The following RSPO2 variants were observed in gnomAD, a reference collection of about 807,000 sequenced individuals.
RSPO2 encodes the protein R-spondin-2.
In RSPO2, 14 loss-of-function variants were observed where a neutral mutation model predicts 30.9. That is an observed-to-expected ratio of 0.45 (90% confidence interval 0.30 to 0.71). The LOEUF is 0.71. Among genes scored for constraint, RSPO2 ranks in the 30% least tolerant of loss-of-function variants. RSPO2 has a pLI of 0.08. For synonymous variants in RSPO2, 107 were observed against 96.4 expected (o/e 1.11, Z -0.64); for missense variants, 264 against 301.9 (o/e 0.87, Z 0.93).
intron 2 of RSPO2, among the ~76,000 whole-genome samples, chr8:108,010,871 C>G (rs1810682570): frequency 6.6e-6 from 1 of 152,028 alleles, no homozygotes; most frequent in African/African-American, 2.4e-5. Context: ...AATTCATTTT[C>G]CATGACTAAG....
intron 2 of RSPO2, among the ~76,000 whole-genome samples, chr8:108,006,529 A>T (rs983868507): frequency 6.6e-6 from 1 of 152,078 alleles, no homozygotes; most frequent in African/African-American, 2.4e-5. Context: ...AGGAGAAGAT[A>T]TTAAAATATA....
intron 2 of RSPO2, among the ~76,000 whole-genome samples, chr8:108,067,911 A>T (rs1470275359): frequency 6.6e-6 from 1 of 152,180 alleles, no homozygotes; most frequent in Non-Finnish European, 1.5e-5. Context: ...TCTACTAAAA[A>T]TACAAAAATT....
chr8:107,978,557 G>C (rs1185509641), intron 3 of RSPO2, among the ~76,000 whole-genome samples: 4 of 152,124 alleles, frequency 2.6e-5, no homozygotes, highest in Non-Finnish European at 5.9e-5. Context: ...TTACATGTTA[G>C]ACCTAAAACC....
At chr8:107,956,642 T>C (rs1813443505) in intron 5 of RSPO2, among the ~76,000 whole-genome samples, 1 of 152,152 alleles carries the variant, frequency 6.6e-6, no homozygotes, top group South Asian at 2.1e-4. Context: ...ATGAGCATGT[T>C]TGTTATAGGA....
intron 5 of RSPO2, among the ~76,000 whole-genome samples, chr8:107,940,471 C>G (rs1812863060): frequency 6.6e-6 from 1 of 152,102 alleles, no homozygotes; most frequent in Non-Finnish European, 1.5e-5. Flanking sequence ...ACTAGTAAAG[C>G]TACCCTAGAT....
chr8:107,904,235 T>C (rs1586526211), intron 5 of RSPO2, among the ~76,000 whole-genome samples: 1 of 151,888 alleles, frequency 6.6e-6, no homozygotes, highest in Admixed American at 6.6e-5. Context: ...ATATATGCTA[T>C]ACGGGAAGTA....
At chr8:107,958,821 G>C (rs941756575) in intron 4 of RSPO2, among the ~76,000 whole-genome samples, 6 of 152,134 alleles carry the variant, frequency 3.9e-5, no homozygotes, top group African/African-American at 1.2e-4. Flanking sequence ...TCCTGCACTA[G>C]TTTGCTGAGC....
At chr8:107,936,682 T>G (rs915554204) in intron 5 of RSPO2, among the ~76,000 whole-genome samples, 1 of 152,162 alleles carries the variant, frequency 6.6e-6, no homozygotes, top group African/African-American at 2.4e-5. Flanking sequence ...TCATTTTGGA[T>G]TTTTTATTTT....
At chr8:108,082,191 C>CAA (rs113226292) in intron 2 of RSPO2, among the ~76,000 whole-genome samples, 180 of 146,542 alleles carry the variant, frequency 1.2e-3, no homozygotes, top group Middle Eastern at 6.9e-3. Flanking sequence ...ACAACGACGA[C>CAA]AAAAAAAAAA....
intron 2 of RSPO2, among the ~76,000 whole-genome samples, chr8:108,038,276 T>C (rs1463325997): frequency 6.6e-6 from 1 of 152,058 alleles, no homozygotes; most frequent in African/African-American, 2.4e-5. Context: ...GAGAACTAGA[T>C]GGAGAAGTGA....
chr8:107,905,718 T>A (rs1460535878), intron 5 of RSPO2, among the ~76,000 whole-genome samples: 1 of 151,858 alleles, frequency 6.6e-6, no homozygotes, highest in Admixed American at 6.6e-5. Context: ...CATGAAATGC[T>A]CCTTTTACAT....
At chr8:107,961,776 G>C (rs1053708499) in intron 3 of RSPO2, among the ~76,000 whole-genome samples, 3 of 152,172 alleles carry the variant, frequency 2.0e-5, no homozygotes, top group Non-Finnish European at 4.4e-5. Flanking sequence ...ATAATAGGTA[G>C]TCTGCAGATA....
intron 5 of RSPO2, among the ~76,000 whole-genome samples, chr8:107,906,563 C>T (rs1811653604): frequency 6.6e-6 from 1 of 151,856 alleles, no homozygotes; most frequent in Non-Finnish European, 1.5e-5. Flanking sequence ...AGAGTCATCA[C>T]TTGTAATTAG....
At chr8:108,029,052 G>GTTTT (rs1563570335) in intron 2 of RSPO2, among the ~76,000 whole-genome samples, 1 of 48,852 alleles carries the variant, frequency 2.0e-5, no homozygotes, top group Non-Finnish European at 4.2e-5. Flanking sequence ...GTTAACATGA[G>GTTTT]TCTTTTTTTT....
intron 2 of RSPO2, among the ~76,000 whole-genome samples, chr8:108,026,528 G>GA (rs1356996267): frequency 1.3e-5 from 2 of 152,088 alleles, no homozygotes; most frequent in East Asian, 1.9e-4. Flanking sequence ...TAAAATTTCA[G>GA]AAAAAATAGA....
chr8:107,970,759 G>A (rs543631780), intron 3 of RSPO2, among the ~76,000 whole-genome samples: 7 of 152,196 alleles, frequency 4.6e-5, no homozygotes, highest in African/African-American at 1.4e-4. Context: ...ACTTTTGAAC[G>A]AAGTTGCTGG....
chr8:107,992,184 C>CACACACACACACAA (rs1331284870), intron 2 of RSPO2, among the ~76,000 whole-genome samples: 1 of 151,440 alleles, frequency 6.6e-6, no homozygotes, highest in African/African-American at 2.4e-5. Context: ...TACACACACA[C>CACACACACACACAA]ACACACACAC....
chr8:108,056,074 A>G (rs1812233035), intron 2 of RSPO2, among the ~76,000 whole-genome samples: 1 of 152,220 alleles, frequency 6.6e-6, no homozygotes, highest in Non-Finnish European at 1.5e-5. Flanking sequence ...TGAGGATTAA[A>G]TAATATGTAA....
At chr8:107,981,668 G>T (rs1445443143) in intron 3 of RSPO2, among the ~76,000 whole-genome samples, 1 of 152,084 alleles carries the variant, frequency 6.6e-6, no homozygotes, top group Non-Finnish European at 1.5e-5. Context: ...TTTCTTATAT[G>T]TTAAAAATTA....
Sources: gnomAD v4.1 joint callset for allele counts (sites outside exome capture counted in the v4.1 genomes callset) on GRCh38, gnomAD v4.1.1 for gene constraint, MANE v1.5 for transcripts, NCBI Gene and HGNC (gene_info 2026-07-23, HGNC 2026-07-21) for gene names.